The following AGL variants were observed in gnomAD, a reference collection of about 807,000 sequenced individuals.
The protein encoded by AGL is amylo-alpha-1,6-glucosidase and 4-alpha-glucanotransferase.
Under a neutral mutation model 199.3 loss-of-function variants are expected in AGL, and 128 were observed. The observed-to-expected ratio is 0.64, with a 90% CI of 0.56 to 0.74. The LOEUF (loss-of-function observed/expected upper bound fraction) is 0.74, where lower values mean the gene tolerates loss of function less well. Among genes scored for constraint, AGL ranks in the 30% least tolerant of loss-of-function variants. AGL has a pLI of 0.00. For missense variants in AGL, 1,809 were observed against 1,820.8 expected (o/e 0.99, Z 0.12); for synonymous variants, 584 against 594.7 (o/e 0.98, Z 0.26).
chr1:99,890,315 G>A (rs924370418), intron 21 of AGL, among the ~76,000 whole-genome samples: 2 of 151,520 alleles, frequency 1.3e-5, no homozygotes, highest in African/African-American at 4.8e-5. Flanking sequence ...AACATTTACC[G>A]AGCATTATCT....
rs142809832 is a variant in AGL, at chr1:99,915,391, C to T, written c.4164C>T (p.Ala1388=). 2 of 1,613,114 alleles carry T rather than the reference C, an allele frequency of 1.2e-6. No individual in the cohort carries two copies. Among genetic ancestry groups the T allele is most frequent in the Non-Finnish European group, 1.7e-6 (2 of 1,179,452 alleles). The change falls in exon 31 of 34, where the codon GCC becomes GCT. Residue 1388 remains alanine, a splice_region_variant and synonymous_variant. Coordinates refer to ENST00000361915, the MANE Select transcript of AGL (RefSeq NM_000642.3). The stretch of plus-strand genomic sequence containing the variant: ...TATTTGTTTTTGGCATTCACTAGGC[C>T]CCTGAGCTCTTTACTACAGAAAAAG... ...RPNFTIAMVV[A]PELFTTEKAW... is the part of the protein sequence containing the mutation.
chr1:99,902,458 TTA>T (rs958780390), intron 26 of AGL, among the ~76,000 whole-genome samples: 7 of 152,250 alleles, frequency 4.6e-5, no homozygotes, highest in African/African-American at 1.7e-4. Flanking sequence ...GCAGATTATT[TTA>T]TGTCACAGAC....
chr1:99,851,464 T>A (rs1453417451), intron 2 of AGL, among the ~76,000 whole-genome samples: 1 of 152,232 alleles, frequency 6.6e-6, no homozygotes, highest in African/African-American at 2.4e-5. Context: ...TTACTTCATA[T>A]GTAATTTTGC....
At chr1:99,891,950 T>G (rs1231181940) in intron 23 of AGL, among the ~76,000 whole-genome samples, 5 of 152,166 alleles carry the variant, frequency 3.3e-5, no homozygotes, top group African/African-American at 1.2e-4. Flanking sequence ...TAAAAGCTAA[T>G]AAAACATATT....
rs1557794036 is a variant in AGL, at chr1:99,916,602, G to A, written c.4352G>A (p.Trp1451Ter). The A allele has an allele frequency of 6.2e-7, 1 of 1,613,074 alleles. No homozygotes were observed. Among genetic ancestry groups the A allele is most frequent in the Non-Finnish European group, 8.5e-7 (1 of 1,179,490 alleles). ...KGFNYHQGPE[W>*]LWPIGYFLRA... ...CTTTTAAATAATCTTTTTTAGGAGT[G>A]GCTGTGGCCTATTGGGTATTTTCTT... Residue 1451 changes from tryptophan to a stop codon, truncating the protein, a stop_gained, in exon 33 of 34, where the codon TGG (tryptophan) becomes TAG (stop). Coordinates refer to ENST00000361915, the MANE Select transcript of AGL (RefSeq NM_000642.3). LOFTEE classifies it high-confidence loss of function.
chr1:99,892,613 G>A lies in AGL; in HGVS notation c.3259+6G>A. 6.2e-7 allele frequency: 1 copy of A among 1,612,406 alleles called. No individual in the cohort carries two copies. The highest frequency in any genetic ancestry group is 1.1e-5 in the South Asian group (1 of 91,028). The stretch of plus-strand genomic sequence containing the variant: ...TTGTGTTTCTCTAGCTGCAGGTAAG[G>A]AATTATGTACAAGGTTAAAATATGT... On this transcript the variant is annotated splice_donor_region_variant and intron_variant, in intron 24 of 33. Transcript: ENST00000361915.
In AGL at chr1:99,900,734, T is replaced by A. The variant is rs1018264644; in HGVS notation, c.3461T>A (p.Val1154Glu). The A allele has an allele frequency of 1.2e-6, 2 of 1,614,158 alleles. No homozygotes were observed. The highest frequency in any genetic ancestry group is 1.6e-4 in the Middle Eastern group (1 of 6,062). ...IYARYNCRDAVWWWLQCIQDY... is the reference protein window; with the variant it reads ...IYARYNCRDAEWWWLQCIQDY... The stretch of plus-strand genomic sequence containing the variant: ...GCCAGATACAATTGTCGGGATGCTG[T>A]GTGGTGGTGGCTGCAGTGTATCCAG... The change falls in exon 26 of 34, where the codon GTG (valine) becomes GAG (glutamate). Residue 1154 changes from valine to glutamate, a missense_variant. Coordinates refer to ENST00000361915, the MANE Select transcript of AGL (RefSeq NM_000642.3).
At chr1:99,856,370 TCCTCCCTTCCTC>T (rs1649453127) in intron 2 of AGL, among the ~76,000 whole-genome samples, 1 of 99,036 alleles carries the variant, frequency 1.0e-5, no homozygotes, top group Non-Finnish European at 2.0e-5. Flanking sequence ...CTCCCTTCCT[TCCTCCCTTCCTC>T]CCTCCCTCCC....
In AGL at chr1:99,878,116, G is replaced by T. The variant is rs149836120; in HGVS notation, c.1611+288G>T. Among the ~76,000 whole-genome samples the T allele has an allele frequency of 2.6e-5, 4 of 152,250 alleles. No homozygotes were observed. In the South Asian group the frequency reaches 8.3e-4, roughly 32 times the overall value. Reference sequence around the variant, plus strand: ...GGAGTGCAATCATATTGGCTACTGTGAATACATAAAATGTTAATTTTTGTT... The same window carrying T: ...GGAGTGCAATCATATTGGCTACTGTTAATACATAAAATGTTAATTTTTGTT... On this transcript the variant is annotated intron_variant, in intron 12 of 33. Transcript: ENST00000361915.
At chr1:99,900,897 T>TG (rs750892139) in intron 26 of AGL, 36 bp downstream of exon 26, 3 of 1,519,244 alleles carry the variant, frequency 2.0e-6, no homozygotes, top group African/African-American at 2.8e-5. Context: ...TTTGTTTTTT[T>TG]TTTTTTTTCT....
chr1:99,851,509 T>C (rs959020134), intron 2 of AGL, among the ~76,000 whole-genome samples: 2 of 152,242 alleles, frequency 1.3e-5, no homozygotes, highest in African/African-American at 4.8e-5. Flanking sequence ...TTTGTATAAC[T>C]GTCTCTTTTC....
At chr1:99,896,417 C>T (rs373203802) in intron 25 of AGL, 29 bp downstream of exon 25, 26 of 1,498,180 alleles carry the variant, frequency 1.7e-5, no homozygotes, top group East Asian at 1.4e-4. Context: ...TGTTGTACTG[C>T]GAGTTTATGT....
chr1:99,918,856 C>T (rs991133182), intron 33 of AGL, among the ~76,000 whole-genome samples: 2 of 152,128 alleles, frequency 1.3e-5, no homozygotes, highest in Admixed American at 6.5e-5. Context: ...ATCTGTGTTC[C>T]CTACCCTGTA....
intron 17 of AGL, 29 bp downstream of exon 17, chr1:99,881,720 T>G (rs1652047348): frequency 6.4e-7 from 1 of 1,573,192 alleles, no homozygotes; most frequent in Non-Finnish European, 8.7e-7. Context: ...TGTTACTGTA[T>G]TTGTATTATA....
chr1:99,864,339 T>C (rs1211286793), intron 4 of AGL, 47 bp from the exon 5 acceptor site: 1 of 1,493,868 alleles, frequency 6.7e-7, no homozygotes, highest in Admixed American at 1.7e-5. Context: ...TTAGGCTGGT[T>C]TTGTTTGTTT....
chr1:99,876,592 A>G lies in AGL; in HGVS notation c.1418A>G (p.Glu473Gly), dbSNP rs1015981500. 1 of 1,614,026 alleles carries G rather than the reference A, an allele frequency of 6.2e-7. No individual in the cohort carries two copies. Among genetic ancestry groups the G allele is most frequent in the African/African-American group, 1.3e-5 (1 of 75,038 alleles). The change falls in exon 11 of 34, where the codon GAA (glutamate) becomes GGA (glycine). Residue 473 changes from glutamate (E) to glycine (G), a missense_variant. Coordinates refer to ENST00000361915, the MANE Select transcript of AGL (RefSeq NM_000642.3). ...MGDDPLRNFA[E>G]PGSEVYLRRE... ...GATGATCCTCTTCGAAACTTTGCTGAACCGGGTATGTAATTTTTAACTTCT... is the reference window on the plus strand; with the variant it reads ...GATGATCCTCTTCGAAACTTTGCTGGACCGGGTATGTAATTTTTAACTTCT...
At chr1:99,883,566 A>T (rs1652216758) in intron 17 of AGL, among the ~76,000 whole-genome samples, 1 of 152,170 alleles carries the variant, frequency 6.6e-6, no homozygotes, top group African/African-American at 2.4e-5. Context: ...ACTAAAAAGC[A>T]AGTTGCAAAT....
chr1:99,871,781 A>G (rs1194177328), intron 7 of AGL, among the ~76,000 whole-genome samples: 1 of 152,160 alleles, frequency 6.6e-6, no homozygotes, highest in East Asian at 1.9e-4. Flanking sequence ...AATAACCTGT[A>G]TTATTTACAT....
chr1:99,880,138 A>C, intron 13 of AGL, 92 bp downstream of exon 13: 2 of 1,533,784 alleles, frequency 1.3e-6, no homozygotes, highest in Non-Finnish European at 1.8e-6. Context: ...ATGCTTAATA[A>C]TTTTTTAACA....
Sources: allele counts gnomAD v4.1 joint callset (sites outside exome capture counted in the v4.1 genomes callset), GRCh38; gene constraint gnomAD v4.1.1; transcripts MANE v1.5; gene names NCBI Gene and HGNC (gene_info 2026-07-23, HGNC 2026-07-21).